Variants in ADSS2 observed in about 807,000 individuals in gnomAD.
ADSS2 encodes the protein adenylosuccinate synthetase isozyme 2.
A neutral mutation model predicts 60.0 loss-of-function variants in ADSS2; 30 were observed. The observed-to-expected ratio is 0.50, with a 90% CI of 0.37 to 0.68. The LOEUF (loss-of-function observed/expected upper bound fraction) is 0.68, where lower values mean the gene tolerates loss of function less well. ADSS2 is among the 30% of genes least tolerant of loss of function. The pLI is 0.00. For missense variants in ADSS2, 373 were observed against 554.8 expected (o/e 0.67, Z 3.29); for synonymous variants, 187 against 193.1 (o/e 0.97, Z 0.26).
At position 244,409,356 on chromosome 1, in the gene ADSS2, G is replaced by A; in HGVS notation, c.*230C>T. 3 of 410,008 alleles carry A rather than the reference G, an allele frequency of 7.3e-6. No homozygotes were observed. Among genetic ancestry groups the A allele is most frequent in the South Asian group, 5.3e-5 (1 of 18,784 alleles). The allele number at this position is 410,008 out of a possible 1,614,324, so 25.4% of individuals were successfully genotyped here. The stretch of plus-strand genomic sequence containing the variant: ...AAAAAAAAAACGTGGCACCATGAGA[G>A]CAGCAGGAGCAACAAATGATTTGGC... On this transcript the variant is annotated 3_prime_UTR_variant, in exon 13 of 13. Transcript: ENST00000366535.
intron 1 of ADSS2, among the ~76,000 whole-genome samples, chr1:244,441,155 T>C (rs1021313080): frequency 1.3e-5 from 2 of 151,626 alleles, no homozygotes; most frequent in Non-Finnish European, 2.9e-5. Flanking sequence ...GCCTCTCGGG[T>C]TCATGCCATT....
At chr1:244,430,911 C>G (rs1296755220) in intron 4 of ADSS2, among the ~76,000 whole-genome samples, 1 of 152,150 alleles carries the variant, frequency 6.6e-6, no homozygotes, top group Non-Finnish European at 1.5e-5. Flanking sequence ...CACCTAAGGT[C>G]AGGAGTTCAA....
intron 4 of ADSS2, chr1:244,424,800 G>T (rs551468357): frequency 5.9e-6 from 1 of 168,916 alleles, no homozygotes; most frequent in East Asian, 1.7e-4. Flanking sequence ...GTCTCCTAAT[G>T]TGTGTACCTC....
chr1:244,432,662 T>A, intron 3 of ADSS2, 67 bp from the exon 4 acceptor site: 141 of 427,724 alleles, frequency 3.3e-4, no homozygotes, highest in East Asian at 4.7e-4. Flanking sequence ...CTTAATTTCT[T>A]TTTTTTTTTT....
intron 1 of ADSS2, among the ~76,000 whole-genome samples, chr1:244,440,565 C>A (rs1040742075): frequency 6.6e-6 from 1 of 152,100 alleles, no homozygotes; most frequent in Admixed American, 6.6e-5. Context: ...TTATTTTTTA[C>A]TATTTATTTT....
intron 7 of ADSS2, 31 bp from the exon 8 acceptor site, chr1:244,420,327 G>A: frequency 6.4e-7 from 1 of 1,574,786 alleles, no homozygotes; most frequent in South Asian, 1.1e-5. Flanking sequence ...CAATTTCCAT[G>A]TATACTAATA....
intron 1 of ADSS2, among the ~76,000 whole-genome samples, chr1:244,444,470 C>G (rs1223047532): frequency 1.3e-4 from 17 of 132,488 alleles, no homozygotes; most frequent in Admixed American, 1.2e-3. Context: ...AGCCGAGATC[C>G]CGCCACTGCA....
intron 1 of ADSS2, among the ~76,000 whole-genome samples, chr1:244,439,316 T>C (rs1355775960): frequency 6.6e-6 from 1 of 152,240 alleles, no homozygotes; most frequent in East Asian, 1.9e-4. Flanking sequence ...GTTCCTTATC[T>C]GCCTGGGTAA....
intron 12 of ADSS2, among the ~76,000 whole-genome samples, chr1:244,410,422 T>C (rs576497860): frequency 8.3e-4 from 126 of 152,246 alleles, no homozygotes; most frequent in Non-Finnish European, 1.5e-3. Context: ...CATAACTAGA[T>C]ACAGCCATAC....
chr1:244,441,398 C>A (rs928712936), intron 1 of ADSS2, among the ~76,000 whole-genome samples: 1 of 152,172 alleles, frequency 6.6e-6, no homozygotes, highest in Admixed American at 6.5e-5. Flanking sequence ...TAATTCTTAC[C>A]TGTATTTCAG....
At position 244,451,195 on chromosome 1, in the gene ADSS2, G is replaced by C. The variant is rs3127466; in HGVS notation, c.183+440C>G. On this transcript the variant is annotated intron_variant, in intron 1 of 12. Coordinates refer to ENST00000366535, the MANE Select transcript of ADSS2 (RefSeq NM_001126.5). The surrounding 1 kb of genome is among the most constrained non-coding windows in gnomAD (Gnocchi z 6.6). ...CCCACTCCGCCGCCCTGGGCGGGGC[G>C]GGGGGGCGGTGATGGGGGGTTCTGC... Among the ~76,000 whole-genome samples the C allele has an allele frequency of 1.3e-5, 2 of 151,808 alleles. No individual in the cohort carries two copies. The highest frequency in any genetic ancestry group is 4.8e-5 in the African/African-American group (2 of 41,356).
At position 244,416,074 on chromosome 1, in the gene ADSS2, C is replaced by T; in HGVS notation, c.1075G>A (p.Ala359Thr). The change falls in exon 11 of 13, where the codon GCA (alanine) becomes ACA (threonine). Residue 359 changes from alanine (A) to threonine (T), a missense_variant. By Grantham distance (58) the Ala-to-Thr change is moderately conservative. Coordinates refer to ENST00000366535, the MANE Select transcript of ADSS2 (RefSeq NM_001126.5). ...AHMINGFTALALTKLDILDMF... is the reference protein window; with the variant it reads ...AHMINGFTALTLTKLDILDMF... The stretch of plus-strand genomic sequence containing the variant: ...TCCAAAATATCCAACTTGGTAAGTG[C>T]CAACCTAATTTTGGAAGAAAAGGCA... 6.2e-7 allele frequency: 1 copy of T among 1,611,454 alleles called. No individual in the cohort carries two copies. Among genetic ancestry groups the T allele is most frequent in the Non-Finnish European group, 8.5e-7 (1 of 1,178,584 alleles).
intron 1 of ADSS2, among the ~76,000 whole-genome samples, chr1:244,448,089 T>C (rs960464288): frequency 6.6e-6 from 1 of 152,120 alleles, no homozygotes; most frequent in African/African-American, 2.4e-5. Context: ...AAAATGGAAA[T>C]AGCAATTGTT....
At chr1:244,433,290 T>C (rs1302132436) in intron 3 of ADSS2, among the ~76,000 whole-genome samples, 1 of 152,226 alleles carries the variant, frequency 6.6e-6, no homozygotes, top group Non-Finnish European at 1.5e-5. Flanking sequence ...ATCAAGTTTG[T>C]ATCTTTTCTT....
rs1553308065 is a variant in ADSS2 at position 244,435,194 on chromosome 1, A to AAAAAAAAAAAAAAAAAAAAAAAAAAAAC, written c.355+1630_355+1631insGTTTTTTTTTTTTTTTTTTTTTTTTTTT. On this transcript the variant is annotated intron_variant, in intron 3 of 12. Coordinates refer to ENST00000366535, the MANE Select transcript of ADSS2 (RefSeq NM_001126.5). ...AAAAAAAAAAAAAAAAAAAAAAAAAAAAACAAACCTGAACATACTATAACA... is the reference window on the plus strand; with the variant it reads ...AAAAAAAAAAAAAAAAAAAAAAAAAAAAAAAAAAAAAAAAAAAAAAAAAAAAACAAACAAACCTGAACATACTATAACA... Among the ~76,000 whole-genome samples, 21 of 127,906 alleles carry AAAAAAAAAAAAAAAAAAAAAAAAAAAAC rather than the reference A, an allele frequency of 1.6e-4. 2 individuals are homozygous for AAAAAAAAAAAAAAAAAAAAAAAAAAAAC. Among genetic ancestry groups the AAAAAAAAAAAAAAAAAAAAAAAAAAAAC allele is most frequent in the African/African-American group, 6.4e-4 (20 of 31,138 alleles). The allele number at this position is 127,906 out of a possible 152,430, so 83.9% of individuals were successfully genotyped here.
At chr1:244,436,248 T>C (rs1327234603) in intron 3 of ADSS2, among the ~76,000 whole-genome samples, 1 of 152,196 alleles carries the variant, frequency 6.6e-6, no homozygotes, top group Non-Finnish European at 1.5e-5. Flanking sequence ...TATTATCAAA[T>C]TCCCCTCACA....
In ADSS2 at chr1:244,451,492, C is replaced by T. The variant is rs1416284948; in HGVS notation, c.183+143G>A. 5.4e-6 allele frequency: 5 copies of T among 925,446 alleles called. No individual in the cohort carries two copies. The East Asian group carries it at 1.4e-4, about 26-fold the overall frequency. The allele number at this position is 925,446 out of a possible 1,614,324, so 57.3% of individuals were successfully genotyped here. ...CCGCCATTTCTCCACGTAGCCGCAG[C>T]TCAGGACAGGAGGAGAGAGCCTCAA... On this transcript the variant is annotated intron_variant, in intron 1 of 12. Transcript: ENST00000366535. The surrounding 1 kb of genome is among the most constrained non-coding windows in gnomAD (Gnocchi z 6.6).
At chr1:244,426,706 T>G (rs867538814) in intron 4 of ADSS2, among the ~76,000 whole-genome samples, 1 of 152,114 alleles carries the variant, frequency 6.6e-6, no homozygotes, top group East Asian at 1.9e-4. Context: ...CTTTCTCACA[T>G]CTCCCTGAGG....
intron 7 of ADSS2, 75 bp from the exon 8 acceptor site, chr1:244,420,371 C>T: frequency 7.4e-7 from 1 of 1,349,032 alleles, no homozygotes; most frequent in Non-Finnish European, 1.0e-6. Context: ...GAATAAATTA[C>T]CTGACTTTAT....
Sources: gnomAD v4.1 joint callset for allele counts (sites outside exome capture counted in the v4.1 genomes callset) on GRCh38, gnomAD v4.1.1 for gene constraint, Gnocchi (gnomAD v3.1) non-coding constraint, MANE v1.5 for transcripts, NCBI Gene and HGNC (gene_info 2026-07-23, HGNC 2026-07-21) for gene names.